Variants in GLT1D1 observed in about 807,000 individuals in gnomAD.
GLT1D1 encodes glycosyltransferase 1 domain containing 1.
Under a neutral mutation model 28.7 loss-of-function variants are expected in GLT1D1, and 21 were observed. The observed-to-expected ratio is 0.73, with a 90% confidence interval of 0.52 to 1.05. The LOEUF is 1.05. GLT1D1 is among the 50% of genes least tolerant of loss of function. The probability of loss-of-function intolerance (pLI) is 0.00; values close to 1 mark genes in which losing one functional copy is unlikely to be tolerated. For missense variants in GLT1D1, 343 were observed against 330.6 expected, an observed-to-expected ratio of 1.04 and a Z score of -0.29; for synonymous variants, 147 against 124.8, an observed-to-expected ratio of 1.18 and a Z score of -1.19.
intron 2 of GLT1D1, among the ~76,000 whole-genome samples, chr12:128,879,238 C>A (rs1282977738): frequency 6.6e-6 from 1 of 152,088 alleles, no homozygotes; most frequent in Non-Finnish European, 1.5e-5. Flanking sequence ...GTTTGCTGTA[C>A]AGATCATCCC....
At chr12:128,873,848 TTCCC>T (rs202047117) in intron 1 of GLT1D1, among the ~76,000 whole-genome samples, 1,971 of 137,274 alleles carry the variant, frequency 0.014, 45 homozygotes, top group African/African-American at 0.047. Flanking sequence ...CCTTCCCTCC[TTCCC>T]TCCCTCCCTC....
chr12:128,868,783 T>C (rs73438328), intron 1 of GLT1D1, among the ~76,000 whole-genome samples: 1,946 of 152,314 alleles, frequency 0.013, 44 homozygotes, highest in African/African-American at 0.043. Flanking sequence ...ACATTAAACA[T>C]AGCAAAAAGA....
chr12:128,961,901 T>G (rs1167341432), intron 7 of GLT1D1, among the ~76,000 whole-genome samples: 4 of 151,932 alleles, frequency 2.6e-5, no homozygotes, highest in Non-Finnish European at 5.9e-5. Flanking sequence ...AATGTGACCT[T>G]TTTTTTTGAA....
intron 7 of GLT1D1, among the ~76,000 whole-genome samples, chr12:128,969,655 A>T (rs1272534913): frequency 2.6e-5 from 4 of 151,606 alleles, no homozygotes; most frequent in Non-Finnish European, 5.9e-5. Flanking sequence ...TGGCCGCCTC[A>T]CTCCTGACCA....
intron 7 of GLT1D1, among the ~76,000 whole-genome samples, chr12:128,960,665 G>A (rs1470718042): frequency 6.6e-6 from 1 of 151,984 alleles, no homozygotes; most frequent in Admixed American, 6.6e-5. Context: ...GGTGAGGCAG[G>A]AGAATCACTT....
intron 7 of GLT1D1, among the ~76,000 whole-genome samples, chr12:128,981,076 C>G (rs1880272826): frequency 6.6e-6 from 1 of 152,184 alleles, no homozygotes; most frequent in Non-Finnish European, 1.5e-5. Flanking sequence ...ACTTAGGATT[C>G]AAGAGAGATT....
chr12:128,921,137 T>C (rs1384165884), intron 4 of GLT1D1, among the ~76,000 whole-genome samples: 1 of 152,178 alleles, frequency 6.6e-6, no homozygotes, highest in Non-Finnish European at 1.5e-5. Context: ...AATGATATTT[T>C]GGTATGTGGA....
intron 4 of GLT1D1, among the ~76,000 whole-genome samples, chr12:128,942,735 GTTTGT>G (rs1166030568): frequency 5.6e-5 from 5 of 89,576 alleles, no homozygotes; most frequent in African/African-American, 1.7e-4. Flanking sequence ...AATTTTCTTT[GTTTGT>G]TTGTTTTTGT....
At chr12:128,975,598 G>A (rs540393354) in intron 7 of GLT1D1, among the ~76,000 whole-genome samples, 4 of 152,224 alleles carry the variant, frequency 2.6e-5, no homozygotes, top group Admixed American at 6.5e-5. Flanking sequence ...CTACAGGCGC[G>A]TGCCACCACG....
intron 2 of GLT1D1, among the ~76,000 whole-genome samples, chr12:128,878,461 C>T (rs918905294): frequency 6.6e-6 from 1 of 152,230 alleles, no homozygotes; most frequent in African/African-American, 2.4e-5. Flanking sequence ...AGCATACCAA[C>T]TTGGGAGAAT....
chr12:128,894,018 G>A (rs1008239684), intron 3 of GLT1D1, among the ~76,000 whole-genome samples: 1 of 152,110 alleles, frequency 6.6e-6, no homozygotes, highest in Non-Finnish European at 1.5e-5. Context: ...ATTTTCACAG[G>A]ATAAAGTCTA....
At chr12:128,928,415 G>A (rs191084212) in intron 4 of GLT1D1, among the ~76,000 whole-genome samples, 6 of 152,208 alleles carry the variant, frequency 3.9e-5, no homozygotes, top group Admixed American at 3.9e-4. Context: ...ACCAGATCAG[G>A]ACCAAACACG....
At chr12:128,972,865 T>C (rs191855989) in intron 7 of GLT1D1, among the ~76,000 whole-genome samples, 3 of 152,322 alleles carry the variant, frequency 2.0e-5, no homozygotes, top group Admixed American at 6.5e-5. Context: ...CATTGTGCAA[T>C]GATGAAATCG....
chr12:128,927,954 C>T (rs1442378976), intron 4 of GLT1D1, among the ~76,000 whole-genome samples: 6 of 119,616 alleles, frequency 5.0e-5, no homozygotes, highest in Non-Finnish European at 6.9e-5. Flanking sequence ...GAGCCAAGGT[C>T]GCACCGCTGT....
chr12:128,970,606 G>A (rs1232827442), intron 7 of GLT1D1, among the ~76,000 whole-genome samples: 3 of 152,230 alleles, frequency 2.0e-5, no homozygotes, highest in Non-Finnish European at 4.4e-5. Context: ...TGCACAGCTT[G>A]CGCTGCCCCC....
At chr12:128,967,694 TCTTA>T (rs1339625080) in intron 7 of GLT1D1, among the ~76,000 whole-genome samples, 2 of 152,244 alleles carry the variant, frequency 1.3e-5, no homozygotes, top group Non-Finnish European at 2.9e-5. Context: ...CCCGTCTCAC[TCTTA>T]CTTCGAGTTA....
chr12:128,952,530 G>A (rs372537844), intron 6 of GLT1D1, among the ~76,000 whole-genome samples: 11 of 148,912 alleles, frequency 7.4e-5, no homozygotes, highest in South Asian at 2.1e-4. Context: ...GGCAATAGCC[G>A]ATCTCGGCTC....
chr12:128,887,586 C>T (rs181176435), intron 2 of GLT1D1, among the ~76,000 whole-genome samples: 20 of 151,750 alleles, frequency 1.3e-4, no homozygotes, highest in Non-Finnish European at 1.2e-4. Flanking sequence ...TCAAACTGTG[C>T]TACTTTTAGC....
chr12:128,963,518 C>T (rs112619408), intron 7 of GLT1D1, among the ~76,000 whole-genome samples: 36 of 152,100 alleles, frequency 2.4e-4, no homozygotes, highest in African/African-American at 5.3e-4. Flanking sequence ...TAGTGGTGGG[C>T]GCCTGTAATC....
Sources: allele counts gnomAD v4.1 joint callset (sites outside exome capture counted in the v4.1 genomes callset), GRCh38; gene constraint gnomAD v4.1.1; transcripts MANE v1.5; gene names NCBI Gene and HGNC (gene_info 2026-07-23, HGNC 2026-07-21).